The following MAGI2 variants were observed in gnomAD, a reference collection of about 807,000 sequenced individuals.
The protein encoded by MAGI2 is membrane associated guanylate kinase, WW and PDZ domain containing 2.
MAGI2 carries 35 observed loss-of-function variants against 133.3 expected under a neutral mutation model. The observed-to-expected ratio is 0.26, with a 90% CI of 0.20 to 0.35. The LOEUF is 0.35. Ranked by LOEUF, MAGI2 falls within the 10% of genes least tolerant of loss-of-function variation. The probability of loss-of-function intolerance (pLI) is 1.00; values close to 1 mark genes in which losing one functional copy is unlikely to be tolerated. For synonymous variants in MAGI2, 729 were observed against 710.6 expected, an observed-to-expected ratio of 1.03 and a Z score of -0.41; for missense variants, 1,636 against 1,863.4, an observed-to-expected ratio of 0.88 and a Z score of 2.25.
intron 1 of MAGI2, among the ~76,000 whole-genome samples, chr7:79,237,592 T>C (rs1832039015): frequency 6.6e-6 from 1 of 152,318 alleles, no homozygotes; most frequent in South Asian, 2.1e-4. Context: ...TCTTTCTCTC[T>C]AGGTATCTCC....
At chr7:78,885,331 A>G (rs1796178773) in intron 2 of MAGI2, among the ~76,000 whole-genome samples, 1 of 152,192 alleles carries the variant, frequency 6.6e-6, no homozygotes, top group African/African-American at 2.4e-5. Flanking sequence ...ACTAATAAAA[A>G]ATCAACACGT....
intron 20 of MAGI2, among the ~76,000 whole-genome samples, chr7:78,121,021 AT>A (rs1183981709): frequency 1.2e-4 from 18 of 150,734 alleles, no homozygotes; most frequent in South Asian, 8.3e-4. Flanking sequence ...AAAAAAAAAA[AT>A]AATGATGCTG....
chr7:78,700,539 T>A (rs765501157), intron 2 of MAGI2, among the ~76,000 whole-genome samples: 5 of 152,074 alleles, frequency 3.3e-5, no homozygotes, highest in Non-Finnish European at 7.4e-5. Flanking sequence ...TTAGTAAAAG[T>A]CCATCTGACA....
At chr7:78,964,486 A>C (rs1486136429) in intron 2 of MAGI2, among the ~76,000 whole-genome samples, 1 of 152,066 alleles carries the variant, frequency 6.6e-6, no homozygotes, top group Non-Finnish European at 1.5e-5. Flanking sequence ...GATGCAATAA[A>C]AATCTTTATA....
At chr7:78,814,176 G>A (rs941378264) in intron 2 of MAGI2, among the ~76,000 whole-genome samples, 1 of 152,166 alleles carries the variant, frequency 6.6e-6, no homozygotes, top group Non-Finnish European at 1.5e-5. Flanking sequence ...AGGCTGTGGT[G>A]GAAAGGCACT....
chr7:78,841,979 CAAACTATCA>C (rs1792183057), intron 2 of MAGI2, among the ~76,000 whole-genome samples: 1 of 151,882 alleles, frequency 6.6e-6, no homozygotes, highest in Non-Finnish European at 1.5e-5. Flanking sequence ...AGTAAGAGTC[CAAACTATCA>C]GTACATAGAT....
chr7:78,249,865 C>A (rs1792203923), intron 10 of MAGI2, among the ~76,000 whole-genome samples: 1 of 151,946 alleles, frequency 6.6e-6, no homozygotes, highest in African/African-American at 2.4e-5. Flanking sequence ...GTTTTCACCA[C>A]AAAGAAATGA....
intron 16 of MAGI2, among the ~76,000 whole-genome samples, chr7:78,154,575 C>G (rs777301170): frequency 1.3e-5 from 2 of 152,188 alleles, no homozygotes; most frequent in Non-Finnish European, 2.9e-5. Context: ...TATCCTATAT[C>G]TAAGTTTAGA....
At chr7:78,257,639 TA>T (rs1793127803) in intron 9 of MAGI2, among the ~76,000 whole-genome samples, 1 of 152,250 alleles carries the variant, frequency 6.6e-6, no homozygotes, top group Admixed American at 6.5e-5. Context: ...AATGTTTTTT[TA>T]AAAATTTCAA....
At chr7:79,023,449 A>C (rs2116716160) in intron 1 of MAGI2, among the ~76,000 whole-genome samples, 1 of 152,244 alleles carries the variant, frequency 6.6e-6, no homozygotes, top group South Asian at 2.1e-4. Context: ...CTCTCTCACC[A>C]CTCCTATTTA....
intron 1 of MAGI2, among the ~76,000 whole-genome samples, chr7:79,160,414 C>A (rs969015252): frequency 1.3e-5 from 2 of 151,918 alleles, no homozygotes; most frequent in African/African-American, 4.8e-5. Context: ...AAGTGTAAAA[C>A]CAAGCAACTG....
intron 9 of MAGI2, among the ~76,000 whole-genome samples, chr7:78,264,805 T>G (rs905287500): frequency 6.6e-6 from 1 of 152,152 alleles, no homozygotes; most frequent in Non-Finnish European, 1.5e-5. Context: ...CTACATCTGA[T>G]GAAAATGTGG....
chr7:79,210,278 T>C (rs189441297), intron 1 of MAGI2, among the ~76,000 whole-genome samples: 3 of 152,156 alleles, frequency 2.0e-5, no homozygotes, highest in Non-Finnish European at 1.5e-5. Context: ...CTAGACATGA[T>C]ACATTATTTA....
intron 1 of MAGI2, among the ~76,000 whole-genome samples, chr7:79,244,260 A>C (rs1832652185): frequency 6.6e-6 from 1 of 152,234 alleles, no homozygotes; most frequent in Non-Finnish European, 1.5e-5. Context: ...TTGAACAACT[A>C]TCCACACAGA....
chr7:78,447,858 G>A (rs1345023470), intron 6 of MAGI2, among the ~76,000 whole-genome samples: 2 of 152,064 alleles, frequency 1.3e-5, no homozygotes, highest in African/African-American at 4.8e-5. Context: ...CTGTGCAGTA[G>A]ACAAAACTTA....
chr7:78,826,072 G>T (rs976625763), intron 2 of MAGI2, among the ~76,000 whole-genome samples: 1 of 152,038 alleles, frequency 6.6e-6, no homozygotes, highest in African/African-American at 2.4e-5. Flanking sequence ...ATATTAATAG[G>T]CCAGGCACGG....
At chr7:78,095,212 C>T (rs1817586417) in intron 20 of MAGI2, among the ~76,000 whole-genome samples, 2 of 152,184 alleles carry the variant, frequency 1.3e-5, no homozygotes, top group Admixed American at 6.5e-5. Context: ...CTTGCTGTCT[C>T]TCGTGAGGAT....
At chr7:79,035,466 C>T (rs2116853354) in intron 1 of MAGI2, among the ~76,000 whole-genome samples, 1 of 152,258 alleles carries the variant, frequency 6.6e-6, no homozygotes, top group South Asian at 2.1e-4. Context: ...CATGACAACA[C>T]TACCCTGTTA....
chr7:78,114,410 C>G (rs1412447468), intron 20 of MAGI2, among the ~76,000 whole-genome samples: 3 of 152,212 alleles, frequency 2.0e-5, no homozygotes, highest in African/African-American at 7.2e-5. Context: ...ACGTGACAGT[C>G]TTTGTTAAGG....
Sources: allele counts gnomAD v4.1 joint callset (sites outside exome capture counted in the v4.1 genomes callset), GRCh38; gene constraint gnomAD v4.1.1; transcripts MANE v1.5; gene names NCBI Gene and HGNC (gene_info 2026-07-23, HGNC 2026-07-21).